PLAA: variants seen among roughly 807,000 people sequenced by gnomAD.
The protein encoded by PLAA is phospholipase A-2-activating protein.
PLAA carries 48 observed loss-of-function variants against 84.1 expected under a neutral mutation model. The ratio of observed to expected loss-of-function variants is 0.57; its 90% CI spans 0.45 to 0.73. The LOEUF is 0.73. PLAA is among the 30% of genes least tolerant of loss of function. The pLI is 0.00. For synonymous variants in PLAA, 392 were observed against 336.6 expected (o/e 1.16, Z -1.80); for missense variants, 903 against 954.7 (o/e 0.95, Z 0.71).
At chr9:26,918,859 T>A (rs1045999658) in intron 9 of PLAA, among the ~76,000 whole-genome samples, 1 of 152,198 alleles carries the variant, frequency 6.6e-6, no homozygotes, top group Non-Finnish European at 1.5e-5. Flanking sequence ...TGAGATACGA[T>A]GTATACGATG....
At chr9:26,915,166 C>T (rs1478377638) in intron 10 of PLAA, among the ~76,000 whole-genome samples, 3 of 151,280 alleles carry the variant, frequency 2.0e-5, no homozygotes, top group Non-Finnish European at 4.4e-5. Context: ...GAGCTGAGAT[C>T]GCACCATTGC....
At chr9:26,942,982 T>G (rs550214963) in intron 1 of PLAA, among the ~76,000 whole-genome samples, 353 of 151,092 alleles carry the variant, frequency 2.3e-3, no homozygotes, top group African/African-American at 8.2e-3. Flanking sequence ...TAGGAACTAA[T>G]AGATTACAAC....
intron 7 of PLAA, among the ~76,000 whole-genome samples, chr9:26,921,078 G>C (rs756603843): frequency 6.6e-6 from 1 of 151,982 alleles, no homozygotes; most frequent in Non-Finnish European, 1.5e-5. Flanking sequence ...AATATAAATT[G>C]TCCACACTAT....
chr9:26,917,657 T>C (rs1824606715), intron 9 of PLAA, among the ~76,000 whole-genome samples: 1 of 152,152 alleles, frequency 6.6e-6, no homozygotes, highest in African/African-American at 2.4e-5. Context: ...TTATATCCAC[T>C]GAAGCTTACA....
intron 1 of PLAA, among the ~76,000 whole-genome samples, chr9:26,945,680 G>T (rs1258006236): frequency 6.6e-6 from 1 of 152,138 alleles, no homozygotes; most frequent in Non-Finnish European, 1.5e-5. Flanking sequence ...CTATTTGAAG[G>T]CTTCCATCTG....
At chr9:26,923,083 G>GA in intron 7 of PLAA, 95 bp downstream of exon 7, 2 of 924,800 alleles carry the variant, frequency 2.2e-6, no homozygotes, top group South Asian at 3.9e-5. Flanking sequence ...ATCTAGCAAT[G>GA]AAAAACACAA....
rs1824176050 is a variant in PLAA at position 26,904,754 on chromosome 9, T to C, written c.*757A>G. On this transcript the variant is annotated 3_prime_UTR_variant, in exon 14 of 14. Transcript: ENST00000397292. ...AAAATTCAACATGTTCCAAATTCCCTTTGAAATAATGGAAAATGACAAAAA... is the reference window on the plus strand; with the variant it reads ...AAAATTCAACATGTTCCAAATTCCCCTTGAAATAATGGAAAATGACAAAAA... 1 of 152,322 alleles carries C rather than the reference T, an allele frequency of 6.6e-6. No homozygotes were observed. The highest frequency in any genetic ancestry group is 2.4e-5 in the African/African-American group (1 of 41,428). 9.4% of individuals were successfully genotyped at this position (152,322 alleles called of 1,614,324 possible).
Position 26,919,301 on chromosome 9 carries a change from C to T in PLAA, c.1417+9G>A. 1 of 1,578,398 alleles carries T rather than the reference C, an allele frequency of 6.3e-7. No homozygotes were observed. The highest frequency in any genetic ancestry group is 8.7e-7 in the Non-Finnish European group (1 of 1,152,986). ...AACTACATAAGACTCAATATAAACA[C>T]TAACTTACCTGTAAATGGATCTGAA... On this transcript the variant is annotated intron_variant, in intron 9 of 13. Coordinates refer to ENST00000397292, the MANE Select transcript of PLAA (RefSeq NM_001031689.3).
intron 11 of PLAA, among the ~76,000 whole-genome samples, chr9:26,911,294 A>G (rs1415647137): frequency 6.6e-6 from 1 of 152,202 alleles, no homozygotes; most frequent in African/African-American, 2.4e-5. Flanking sequence ...TTGGGATTAC[A>G]GGCATGAGCT....
chr9:26,929,972 A>T (rs1356793027), intron 2 of PLAA, among the ~76,000 whole-genome samples: 2 of 152,030 alleles, frequency 1.3e-5, no homozygotes, highest in Non-Finnish European at 2.9e-5. Context: ...GTCACCAGAC[A>T]AAACGGTAGC....
intron 1 of PLAA, among the ~76,000 whole-genome samples, chr9:26,944,645 T>A (rs1825633510): frequency 1.3e-5 from 2 of 152,212 alleles, no homozygotes. Flanking sequence ...TTATGAAATT[T>A]GTGTTGGGCC....
chr9:26,943,248 T>C (rs1048200260), intron 1 of PLAA, among the ~76,000 whole-genome samples: 1 of 152,174 alleles, frequency 6.6e-6, no homozygotes, highest in Non-Finnish European at 1.5e-5. Flanking sequence ...AACCAACAGA[T>C]ATGTCTCCAC....
rs1241956358 is a variant in PLAA at position 26,910,441 on chromosome 9, T to TA, written c.1556-3dup. The TA allele has an allele frequency of 6.2e-7, 1 of 1,600,084 alleles. No individual in the cohort carries two copies. Among genetic ancestry groups the TA allele is most frequent in the South Asian group, 1.1e-5 (1 of 90,652 alleles). On this transcript the variant is annotated splice_polypyrimidine_tract_variant and splice_region_variant and intron_variant, in intron 11 of 13. Coordinates refer to ENST00000397292, the MANE Select transcript of PLAA (RefSeq NM_001031689.3). Reference sequence around the variant, plus strand: ...CAGCTGATCGGTAGGCACTATTCCCTATTTAAAGAATAGAAGATGATGATA... The same window carrying TA: ...CAGCTGATCGGTAGGCACTATTCCCTAATTTAAAGAATAGAAGATGATGATA...
At chr9:26,943,618 T>G (rs1396120320) in intron 1 of PLAA, among the ~76,000 whole-genome samples, 3 of 152,170 alleles carry the variant, frequency 2.0e-5, no homozygotes, top group East Asian at 1.9e-4. Flanking sequence ...ACGACTTCAC[T>G]CCAAACATTT....
At chr9:26,940,987 T>C (rs1825516617) in intron 1 of PLAA, among the ~76,000 whole-genome samples, 1 of 152,162 alleles carries the variant, frequency 6.6e-6, no homozygotes, top group Non-Finnish European at 1.5e-5. Flanking sequence ...CCCTTAACAC[T>C]TCAAAGCATA....
intron 6 of PLAA, among the ~76,000 whole-genome samples, chr9:26,925,059 T>A (rs115342094): frequency 6.6e-6 from 1 of 152,238 alleles, no homozygotes; most frequent in Non-Finnish European, 1.5e-5. Flanking sequence ...TATCCTTTTC[T>A]TTCATACTTT....
chr9:26,923,473 T>C (rs1563912290), intron 6 of PLAA, 126 bp from the exon 7 acceptor site: 3 of 708,568 alleles, frequency 4.2e-6, no homozygotes, highest in African/African-American at 1.8e-5. Context: ...ATGTTATTAA[T>C]TGCTGATTAC....
intron 1 of PLAA, among the ~76,000 whole-genome samples, chr9:26,940,704 A>G (rs1240064147): frequency 2.0e-5 from 3 of 152,240 alleles, no homozygotes; most frequent in Admixed American, 6.5e-5. Context: ...TAACAGCACT[A>G]TATACCTCCA....
intron 1 of PLAA, among the ~76,000 whole-genome samples, chr9:26,945,181 A>C (rs974601448): frequency 6.6e-6 from 1 of 152,176 alleles, no homozygotes; most frequent in Non-Finnish European, 1.5e-5. Context: ...TCAAATAGAG[A>C]ATCAGTTCAG....
Sources: gnomAD v4.1 joint callset for allele counts (sites outside exome capture counted in the v4.1 genomes callset) on GRCh38, gnomAD v4.1.1 for gene constraint, MANE v1.5 for transcripts, NCBI Gene and HGNC (gene_info 2026-07-23, HGNC 2026-07-21) for gene names.